MAP4K3: variants seen among roughly 807,000 people sequenced by gnomAD.
The protein encoded by MAP4K3 is MAPK/ERK kinase kinase kinase 3.
In MAP4K3, 94 loss-of-function variants were observed where a neutral mutation model predicts 143.5. The observed-to-expected ratio is 0.65, with a 90% CI of 0.55 to 0.78. The LOEUF (loss-of-function observed/expected upper bound fraction) is 0.78, where lower values mean the gene tolerates loss of function less well. Ranked by LOEUF, MAP4K3 falls within the 30% of genes least tolerant of loss-of-function variation. The pLI is 0.00. For synonymous variants in MAP4K3, 416 were observed against 347.2 expected, an observed-to-expected ratio of 1.20 and a Z score of -2.20; for missense variants, 1,077 against 1,068.1, an observed-to-expected ratio of 1.01 and a Z score of -0.12.
At chr2:39,405,397 G>C (rs72931110) in intron 1 of MAP4K3, among the ~76,000 whole-genome samples, 66 of 152,300 alleles carry the variant, frequency 4.3e-4, no homozygotes, top group African/African-American at 1.4e-3. Context: ...GTATGGCTTA[G>C]ATTACAAAAT....
At chr2:39,349,756 G>A (rs937321323) in intron 3 of MAP4K3, among the ~76,000 whole-genome samples, 3 of 150,708 alleles carry the variant, frequency 2.0e-5, no homozygotes, top group Non-Finnish European at 3.0e-5. Flanking sequence ...AAGTTGAGAG[G>A]GGGAGGAGAT....
intron 1 of MAP4K3, 91 bp downstream of exon 1, chr2:39,436,801 T>C (rs562839008): frequency 9.1e-7 from 1 of 1,100,642 alleles, no homozygotes; most frequent in East Asian, 2.7e-5. Flanking sequence ...CGCCAGCGTC[T>C]CCCGAGGACA....
intron 29 of MAP4K3, among the ~76,000 whole-genome samples, chr2:39,258,986 T>A (rs996747294): frequency 1.3e-4 from 19 of 151,242 alleles, no homozygotes; most frequent in Admixed American, 1.3e-4. Flanking sequence ...CAGCATCACC[T>A]GGGAATTTAC....
chr2:39,305,894 A>G (rs1166824441), intron 15 of MAP4K3, among the ~76,000 whole-genome samples: 4 of 151,880 alleles, frequency 2.6e-5, no homozygotes, highest in Admixed American at 1.3e-4. Flanking sequence ...CAATGGCACA[A>G]TCTTGGCTCA....
At chr2:39,256,651 A>G (rs1011045774) in intron 31 of MAP4K3, among the ~76,000 whole-genome samples, 52 of 152,236 alleles carry the variant, frequency 3.4e-4, no homozygotes, top group African/African-American at 1.2e-3. Flanking sequence ...ATTTTTAAAA[A>G]TGATTTTCAT....
chr2:39,364,161 G>A (rs143229963), intron 2 of MAP4K3, among the ~76,000 whole-genome samples: 48 of 152,182 alleles, frequency 3.2e-4, no homozygotes, highest in African/African-American at 1.0e-3. Flanking sequence ...TCTCACTTGT[G>A]GGTATATACC....
chr2:39,302,704 TA>T (rs1392494237), intron 15 of MAP4K3, among the ~76,000 whole-genome samples: 1 of 152,140 alleles, frequency 6.6e-6, no homozygotes, highest in East Asian at 1.9e-4. Context: ...TATGCCAGCA[TA>T]AAAAAAGTTA....
chr2:39,381,182 T>C (rs1197240918), intron 1 of MAP4K3, among the ~76,000 whole-genome samples: 2 of 152,220 alleles, frequency 1.3e-5, no homozygotes, highest in African/African-American at 4.8e-5. Context: ...TGTATGGAAA[T>C]ACCATATTTG....
rs912690632 is a variant in MAP4K3, at chr2:39,254,350, G to C, written c.2541+100C>G. ...ACTAAATACAGTAAGTATTAATAAAGTTAGCCAATCAAGCATTACTTGTAT... is the reference window on the plus strand; with the variant it reads ...ACTAAATACAGTAAGTATTAATAAACTTAGCCAATCAAGCATTACTTGTAT... On this transcript the variant is annotated intron_variant, in intron 32 of 33. Coordinates refer to ENST00000263881, the MANE Select transcript of MAP4K3 (RefSeq NM_003618.4). 7.6e-6 allele frequency: 7 copies of C among 915,194 alleles called. 1 individual carries two copies. Among genetic ancestry groups the C allele is most frequent in the South Asian group, 1.5e-5 (1 of 65,732 alleles). The allele number at this position is 915,194 out of a possible 1,614,324, so 56.7% of individuals were successfully genotyped here.
chr2:39,268,338 T>C (rs982892608), intron 26 of MAP4K3, among the ~76,000 whole-genome samples: 4 of 152,196 alleles, frequency 2.6e-5, no homozygotes, highest in Admixed American at 6.5e-5. Context: ...ATTTTATTTT[T>C]TGGACAAGGT....
chr2:39,426,873 C>A (rs181826587), intron 1 of MAP4K3, among the ~76,000 whole-genome samples: 3 of 151,800 alleles, frequency 2.0e-5, no homozygotes, highest in Non-Finnish European at 4.4e-5. Flanking sequence ...GAATACAACA[C>A]GAGCTCTAAA....
At chr2:39,307,186 G>C (rs1682741718) in intron 15 of MAP4K3, among the ~76,000 whole-genome samples, 2 of 152,142 alleles carry the variant, frequency 1.3e-5, no homozygotes, top group South Asian at 2.1e-4. Flanking sequence ...CAGAAAAGTA[G>C]AATCTGGGAG....
In MAP4K3 at chr2:39,325,588, A is replaced by G. The variant is rs1683463240; in HGVS notation, c.848T>C (p.Ile283Thr). The change falls in exon 12 of 34, where the codon ATC becomes ACC. Residue 283 changes from isoleucine (I) to threonine (T), a missense_variant. Around this residue, in one of 2 missense-constraint regions of MAP4K3, gnomAD observed 864 missense variants for 801.2 expected, o/e 1.08. Transcript: ENST00000263881. ...ATTATTTACTTTATCCAACAGCTCGATTGCCAAAGACCGTGTCAAATGTTG... is the reference window on the plus strand; with the variant it reads ...ATTATTTACTTTATCCAACAGCTCGGTTGCCAAAGACCGTGTCAAATGTTG... ...VTQHLTRSLA[I>T]ELLDKVNNPD... 1.2e-5 allele frequency: 19 copies of G among 1,613,240 alleles called. No individual in the cohort carries two copies. Among genetic ancestry groups the G allele is most frequent in the Non-Finnish European group, 1.5e-5 (18 of 1,179,750 alleles).
intron 1 of MAP4K3, among the ~76,000 whole-genome samples, chr2:39,417,064 C>G (rs1026425169): frequency 6.6e-6 from 1 of 152,116 alleles, no homozygotes. Context: ...ATTATTATTT[C>G]AAAGAGTAAA....
At chr2:39,419,556 A>T (rs1431704528) in intron 1 of MAP4K3, among the ~76,000 whole-genome samples, 2 of 152,142 alleles carry the variant, frequency 1.3e-5, no homozygotes. Context: ...AGAAACCTCC[A>T]ATTTTGGTTT....
At chr2:39,397,185 T>C (rs1010016001) in intron 1 of MAP4K3, among the ~76,000 whole-genome samples, 3 of 152,148 alleles carry the variant, frequency 2.0e-5, no homozygotes, top group Non-Finnish European at 4.4e-5. Flanking sequence ...CAACCAAGAC[T>C]TTGGTACTAA....
chr2:39,292,640 G>C, intron 18 of MAP4K3, 133 bp downstream of exon 18: 1 of 752,670 alleles, frequency 1.3e-6, no homozygotes, highest in Non-Finnish European at 2.3e-6. Context: ...TAGAAAAAAG[G>C]AAGGAAACTG....
chr2:39,429,544 G>A (rs917765312), intron 1 of MAP4K3, among the ~76,000 whole-genome samples: 1 of 152,154 alleles, frequency 6.6e-6, no homozygotes, highest in Non-Finnish European at 1.5e-5. Flanking sequence ...TAATTTCCTC[G>A]TTTTGATAAT....
At chr2:39,298,181 T>A (rs908875681) in intron 16 of MAP4K3, among the ~76,000 whole-genome samples, 8 of 152,012 alleles carry the variant, frequency 5.3e-5, no homozygotes, top group Admixed American at 1.3e-4. Flanking sequence ...ACTTCAAAAA[T>A]TTTTTTTATT....
Sources: allele counts gnomAD v4.1 joint callset (sites outside exome capture counted in the v4.1 genomes callset), GRCh38; gene constraint gnomAD v4.1.1; regional missense constraint gnomAD v4.1.1; transcripts MANE v1.5; gene names NCBI Gene and HGNC (gene_info 2026-07-23, HGNC 2026-07-21).